The following TSC22D1 variants were observed in gnomAD, a reference collection of about 807,000 sequenced individuals.
TSC22D1 encodes TSC22 domain family member 1, also known as TSC22 domain family protein 1.
Under a neutral mutation model 74.2 loss-of-function variants are expected in TSC22D1, and 9 were observed. The ratio of observed to expected loss-of-function variants is 0.12; its 90% confidence interval spans 0.07 to 0.21. The LOEUF (loss-of-function observed/expected upper bound fraction) is 0.21. Among genes scored for constraint, TSC22D1 ranks in the 10% least tolerant of loss-of-function variants. The pLI is 1.00. For synonymous variants in TSC22D1, 586 were observed against 492.5 expected, an observed-to-expected ratio of 1.19 and a Z score of -2.51; for missense variants, 1,427 against 1,304.7, an observed-to-expected ratio of 1.09 and a Z score of -1.44.
chr13:44,455,730 T>A (rs987185026), intron 1 of TSC22D1, among the ~76,000 whole-genome samples: 1 of 152,192 alleles, frequency 6.6e-6, no homozygotes, highest in Non-Finnish European at 1.5e-5. Flanking sequence ...ATAGGGAATC[T>A]ATTACAGAGC....
chr13:44,576,681 G>A (rs1431786796), upstream of TSC22D1: 1 of 152,690 alleles, frequency 6.5e-6, no homozygotes, highest in Non-Finnish European at 1.5e-5. Context: ...TGGGCTCGCG[G>A]CGGCTGCTCG....
intron 1 of TSC22D1, among the ~76,000 whole-genome samples, chr13:44,450,463 C>A (rs1009337446): frequency 1.1e-4 from 16 of 152,076 alleles, no homozygotes; most frequent in African/African-American, 3.6e-4. Context: ...TCACTCTGAC[C>A]ACAATGTATA....
chr13:44,576,299 G>A lies in TSC22D1; in HGVS notation c.-225C>T, dbSNP rs1161987959. The A allele has an allele frequency of 1.7e-6, 1 of 591,542 alleles. No individual in the cohort carries two copies. Among genetic ancestry groups the A allele is most frequent in the Non-Finnish European group, 2.9e-6 (1 of 344,188 alleles). The allele number at this position is 591,542 out of a possible 1,614,324, so 36.6% of individuals were successfully genotyped here. On this transcript the variant is annotated 5_prime_UTR_variant, in exon 1 of 3. Transcript: ENST00000458659. ...AACAGGGCGGCCGGGGACCCGAAGG[G>A]GGGATCCCTTCAGTCCTTCGCCATT...
chr13:44,499,928 A>T (rs1170401873), intron 1 of TSC22D1, among the ~76,000 whole-genome samples: 1 of 151,870 alleles, frequency 6.6e-6, no homozygotes, highest in Non-Finnish European at 1.5e-5. Flanking sequence ...CTCTACTAAA[A>T]ATACAAAAAT....
chr13:44,500,739 C>A (rs1245593920), intron 1 of TSC22D1, among the ~76,000 whole-genome samples: 1 of 152,160 alleles, frequency 6.6e-6, no homozygotes, highest in Non-Finnish European at 1.5e-5. Context: ...GGCTGGAGTG[C>A]AGTGGCGCAA....
In TSC22D1 at chr13:44,575,499, G is replaced by C. The variant is rs1157498000; in HGVS notation, c.576C>G (p.Asn192Lys). ...AATGAGGCTGAGGAAGGTGGGGCTG[G>C]TTGGGAGAGACTGCCCCAGGTGTCT... ...EAETPGAVSP[N>K]QPHLPQPHLP... Residue 192 changes from asparagine to lysine, a missense_variant, in exon 1 of 3, where the codon AAC (asparagine) becomes AAG (lysine). This residue lies in a region of TSC22D1 where 1,343 missense variants were observed against 1,191.5 expected (regional missense o/e 1.13). Transcript: ENST00000458659. The C allele has an allele frequency of 6.2e-7, 1 of 1,614,164 alleles. No individual in the cohort carries two copies. Among genetic ancestry groups the C allele is most frequent in the East Asian group, 2.2e-5 (1 of 44,886 alleles).
chr13:44,529,098 T>C (rs574153151), intron 1 of TSC22D1, among the ~76,000 whole-genome samples: 1 of 152,176 alleles, frequency 6.6e-6, no homozygotes, highest in East Asian at 1.9e-4. Context: ...TGTGAGGCCT[T>C]TGTAACAGAA....
intron 1 of TSC22D1, among the ~76,000 whole-genome samples, chr13:44,492,779 T>G (rs915868123): frequency 2.6e-5 from 4 of 151,468 alleles, no homozygotes; most frequent in Non-Finnish European, 4.4e-5. Context: ...TTCACAGGGG[T>G]TTTTTTTCCT....
rs1189061881 is a variant in TSC22D1, at chr13:44,445,272, C to CAA, written c.2913-9179_2913-9178dup. ...ACACACAGAGCAAATCGATTTTCCA[C>CAA]AAATATGTAAAGCAATTCAGAAAAG... On this transcript the variant is annotated intron_variant, in intron 1 of 2. Coordinates refer to ENST00000458659, the MANE Select transcript of TSC22D1 (RefSeq NM_183422.4). 2.0e-5 allele frequency among the ~76,000 whole-genome samples: 3 copies of CAA among 147,150 alleles called. No homozygotes were observed. In the Admixed American group the frequency reaches 2.0e-4, roughly 10 times the overall value.
At chr13:44,546,055 T>TA (rs1881807924) in intron 1 of TSC22D1, among the ~76,000 whole-genome samples, 1 of 152,068 alleles carries the variant, frequency 6.6e-6, no homozygotes, top group Non-Finnish European at 1.5e-5. Flanking sequence ...CAAAACCACT[T>TA]ACGTTTTGCG....
At chr13:44,512,863 T>C (rs1034742258) in intron 1 of TSC22D1, among the ~76,000 whole-genome samples, 1 of 152,082 alleles carries the variant, frequency 6.6e-6, no homozygotes, top group African/African-American at 2.4e-5. Flanking sequence ...TTGGCCAGGA[T>C]GGTCTCGATC....
chr13:44,457,535 C>T (rs537620350), intron 1 of TSC22D1, among the ~76,000 whole-genome samples: 6 of 150,044 alleles, frequency 4.0e-5, no homozygotes, highest in African/African-American at 1.2e-4. Flanking sequence ...ATAAAAGAAA[C>T]GCCTATTGGT....
intron 1 of TSC22D1, among the ~76,000 whole-genome samples, chr13:44,453,022 G>GA (rs1380685165): frequency 6.6e-6 from 1 of 152,030 alleles, no homozygotes; most frequent in African/African-American, 2.4e-5. Flanking sequence ...CTCACAGATT[G>GA]AAAAAAGATT....
intron 1 of TSC22D1, among the ~76,000 whole-genome samples, chr13:44,521,378 CCT>C (rs1491159266): frequency 1.3e-5 from 2 of 152,076 alleles, no homozygotes; most frequent in African/African-American, 2.4e-5. Flanking sequence ...ACCCCTTCCC[CCT>C]TTTTTTTAAA....
At chr13:44,549,752 G>A (rs1330544654) in intron 1 of TSC22D1, among the ~76,000 whole-genome samples, 1 of 146,232 alleles carries the variant, frequency 6.8e-6, no homozygotes, top group African/African-American at 2.5e-5. Context: ...GGGGAACAGG[G>A]CCAAACCCTG....
intron 1 of TSC22D1, among the ~76,000 whole-genome samples, chr13:44,507,532 A>G (rs1021618886): frequency 1.3e-5 from 2 of 152,134 alleles, no homozygotes; most frequent in African/African-American, 4.8e-5. Context: ...TATAGCTAAC[A>G]CAGGAGATGG....
At chr13:44,457,733 G>T (rs1390796454) in intron 1 of TSC22D1, among the ~76,000 whole-genome samples, 5 of 150,140 alleles carry the variant, frequency 3.3e-5, no homozygotes, top group African/African-American at 1.2e-4. Context: ...TGCAGAATTT[G>T]CTCCTTTTGT....
At chr13:44,434,986 T>C (rs1874423477) in intron 2 of TSC22D1, 103 bp from the exon 3 acceptor site, 23 of 1,005,220 alleles carry the variant, frequency 2.3e-5, no homozygotes, top group South Asian at 1.6e-4. Context: ...ACTATTTACA[T>C]ATTCCACCTT....
chr13:44,539,918 G>A (rs2138092357), intron 1 of TSC22D1: 1 of 1,289,624 alleles, frequency 7.8e-7, no homozygotes, highest in Non-Finnish European at 1.0e-6. Context: ...TGGTAGGAGA[G>A]AAGCACTGAA....
Sources: gnomAD v4.1 joint callset for allele counts (sites outside exome capture counted in the v4.1 genomes callset) on GRCh38, gnomAD v4.1.1 for gene constraint, gnomAD v4.1.1 regional missense constraint, MANE v1.5 for transcripts, NCBI Gene and HGNC (gene_info 2026-07-23, HGNC 2026-07-21) for gene names.